Variants in CHCHD3 observed in about 807,000 individuals in gnomAD.
CHCHD3 encodes the protein coiled-coil-helix-coiled-coil-helix domain containing 3.
Under a neutral mutation model 38.2 loss-of-function variants are expected in CHCHD3, and 20 were observed. The observed-to-expected ratio is 0.52, with a 90% CI of 0.37 to 0.76. The LOEUF (loss-of-function observed/expected upper bound fraction) is 0.76, where lower values mean the gene tolerates loss of function less well. Among genes scored for constraint, CHCHD3 ranks in the 30% least tolerant of loss-of-function variants. The pLI is 0.00. For synonymous variants in CHCHD3, 82 were observed against 100.0 expected, an observed-to-expected ratio of 0.82 and a Z score of 1.07; for missense variants, 245 against 279.2, an observed-to-expected ratio of 0.88 and a Z score of 0.87.
intron 4 of CHCHD3, among the ~76,000 whole-genome samples, chr7:132,912,100 T>G (rs1440154310): frequency 6.6e-6 from 1 of 152,214 alleles, no homozygotes; most frequent in Non-Finnish European, 1.5e-5. Context: ...TCCATTAATA[T>G]GTAATGTATC....
chr7:132,879,872 C>T (rs1809009568), intron 5 of CHCHD3, among the ~76,000 whole-genome samples: 1 of 151,714 alleles, frequency 6.6e-6, no homozygotes, highest in South Asian at 2.1e-4. Context: ...CTATAAATTT[C>T]TTATTTCAAC....
intron 2 of CHCHD3, among the ~76,000 whole-genome samples, chr7:133,065,425 G>T (rs192951236): frequency 6.6e-6 from 1 of 152,218 alleles, no homozygotes; most frequent in Admixed American, 6.5e-5. Flanking sequence ...TGACAAAATT[G>T]AGTTCCTATA....
chr7:132,815,029 A>T (rs964632762), intron 6 of CHCHD3, among the ~76,000 whole-genome samples: 1 of 152,256 alleles, frequency 6.6e-6, no homozygotes, highest in Non-Finnish European at 1.5e-5. Flanking sequence ...ATTGAATAGC[A>T]TAATGAGATA....
chr7:132,849,715 G>A (rs1163163727), intron 5 of CHCHD3: 3 of 152,158 alleles, frequency 2.0e-5, no homozygotes, highest in African/African-American at 4.8e-5. Context: ...AGTGTTATAT[G>A]GAACTTCCCA....
chr7:132,810,708 T>C (rs777517078), intron 6 of CHCHD3, among the ~76,000 whole-genome samples: 114 of 152,324 alleles, frequency 7.5e-4, no homozygotes, highest in Non-Finnish European at 1.5e-3. Context: ...TCTCAATTCA[T>C]GTCTGGATTG....
chr7:133,057,701 G>T (rs1386992366), intron 2 of CHCHD3, among the ~76,000 whole-genome samples: 2 of 152,112 alleles, frequency 1.3e-5, no homozygotes, highest in Non-Finnish European at 2.9e-5. Flanking sequence ...ATGAACACGG[G>T]TTATGAAATA....
In CHCHD3 at chr7:132,785,672, A is replaced by G. The variant is rs763869179; in HGVS notation, c.661-12T>C. 1 of 1,613,994 alleles carries G rather than the reference A, an allele frequency of 6.2e-7. No homozygotes were observed. The highest frequency in any genetic ancestry group is 8.5e-7 in the Non-Finnish European group (1 of 1,179,910). ...TTCTCAAGCATGCTCTGCAAGAAAA[A>G]CAGAAAGAGTAAGTTTTACCACCGG... On this transcript the variant is annotated splice_polypyrimidine_tract_variant and intron_variant, in intron 7 of 7. Transcript: ENST00000262570.
chr7:133,047,725 AG>A (rs988996647), intron 2 of CHCHD3, among the ~76,000 whole-genome samples: 31 of 152,198 alleles, frequency 2.0e-4, no homozygotes, highest in African/African-American at 7.2e-4. Context: ...GGAGGTAAAA[AG>A]GAAGAAAGGA....
intron 4 of CHCHD3, among the ~76,000 whole-genome samples, chr7:132,931,201 G>A (rs185678898): frequency 2.0e-5 from 3 of 152,016 alleles, no homozygotes; most frequent in African/African-American, 7.3e-5. Context: ...TTTTTGATTC[G>A]CATTCCCCTC....
intron 4 of CHCHD3, among the ~76,000 whole-genome samples, chr7:132,895,088 A>G (rs1389375211): frequency 1.3e-5 from 2 of 152,246 alleles, no homozygotes; most frequent in Non-Finnish European, 2.9e-5. Context: ...AGTTCTTATC[A>G]GTAAAATGAG....
At chr7:132,786,179 A>G (rs747581722) in intron 7 of CHCHD3, among the ~76,000 whole-genome samples, 9 of 152,228 alleles carry the variant, frequency 5.9e-5, no homozygotes, top group Non-Finnish European at 1.2e-4. Context: ...TGTCTCAAAT[A>G]GAAAGCAAAA....
At chr7:133,079,882 T>C (rs1347455851) in intron 1 of CHCHD3, among the ~76,000 whole-genome samples, 3 of 152,218 alleles carry the variant, frequency 2.0e-5, no homozygotes, top group African/African-American at 7.2e-5. Context: ...CTCTGTGTAC[T>C]CAATACTTCA....
At chr7:132,959,391 T>C (rs1811255927) in intron 4 of CHCHD3, among the ~76,000 whole-genome samples, 1 of 152,202 alleles carries the variant, frequency 6.6e-6, no homozygotes, top group African/African-American at 2.4e-5. Flanking sequence ...AAAAATGTTT[T>C]ATGTACAGTT....
At chr7:132,910,911 C>T (rs1410024535) in intron 4 of CHCHD3, among the ~76,000 whole-genome samples, 1 of 152,118 alleles carries the variant, frequency 6.6e-6, no homozygotes, top group Non-Finnish European at 1.5e-5. Context: ...TGACAGTTTG[C>T]CACAGTACTA....
intron 3 of CHCHD3, among the ~76,000 whole-genome samples, chr7:133,016,993 G>A (rs1206984539): frequency 6.6e-6 from 1 of 152,208 alleles, no homozygotes; most frequent in African/African-American, 2.4e-5. Flanking sequence ...TGCTATTTGG[G>A]TAAGGAAAGT....
chr7:132,882,284 C>T (rs1809079430), intron 5 of CHCHD3, among the ~76,000 whole-genome samples: 1 of 152,078 alleles, frequency 6.6e-6, no homozygotes, highest in Non-Finnish European at 1.5e-5. Flanking sequence ...AGCATACCTT[C>T]TGACTCCTTG....
At chr7:133,050,432 C>T (rs1814130291) in intron 2 of CHCHD3, among the ~76,000 whole-genome samples, 1 of 139,620 alleles carries the variant, frequency 7.2e-6, no homozygotes, top group African/African-American at 2.6e-5. Context: ...GTAGAGCACA[C>T]TTTTTAACAA....
At chr7:132,992,137 C>G (rs1812299123) in intron 3 of CHCHD3, among the ~76,000 whole-genome samples, 1 of 152,214 alleles carries the variant, frequency 6.6e-6, no homozygotes. Flanking sequence ...GAACAAGGAG[C>G]TGTTTCCCAT....
At chr7:132,948,508 G>A (rs1438006474) in intron 4 of CHCHD3, among the ~76,000 whole-genome samples, 2 of 152,076 alleles carry the variant, frequency 1.3e-5, no homozygotes, top group Non-Finnish European at 2.9e-5. Flanking sequence ...TATATAATGT[G>A]TAATTTTGGT....
Sources: gnomAD v4.1 joint callset for allele counts (sites outside exome capture counted in the v4.1 genomes callset) on GRCh38, gnomAD v4.1.1 for gene constraint, MANE v1.5 for transcripts, NCBI Gene and HGNC (gene_info 2026-07-23, HGNC 2026-07-21) for gene names.